Variants in KLHL8 observed in about 807,000 individuals in gnomAD.
KLHL8 encodes the protein kelch-like protein 8.
A neutral mutation model predicts 63.5 loss-of-function variants in KLHL8; 38 were observed. The observed-to-expected ratio is 0.60, with a 90% CI of 0.46 to 0.78. The LOEUF (loss-of-function observed/expected upper bound fraction) is 0.78. Among genes scored for constraint, KLHL8 ranks in the 30% least tolerant of loss-of-function variants. The probability of loss-of-function intolerance (pLI) is 0.00; values close to 1 mark genes in which losing one functional copy is unlikely to be tolerated. For synonymous variants in KLHL8, 224 were observed against 254.3 expected, an observed-to-expected ratio of 0.88 and a Z score of 1.13; for missense variants, 566 against 752.4, an observed-to-expected ratio of 0.75 and a Z score of 2.90.
At chr4:87,220,318 T>C (rs2110061348) in intron 1 of KLHL8, 100 bp downstream of exon 1, 1 of 152,626 alleles carries the variant, frequency 6.6e-6, no homozygotes, top group East Asian at 1.9e-4. Flanking sequence ...ACTTGGGGGC[T>C]GGGGTGAGGG....
Position 87,195,506 on chromosome 4 carries a change from T to C in KLHL8, c.34A>G (p.Arg12Gly). Reference sequence around the variant, plus strand: ...CTTTTCCCCTTTGTAATGTGATTCCTAGCTTGTTTACTACTCATAGAATCT... The same window carrying C: ...CTTTTCCCCTTTGTAATGTGATTCCCAGCTTGTTTACTACTCATAGAATCT... ...ASDSMSSKQA[R>G]NHITKGKRQQ... The change falls in exon 2 of 10, where the codon AGG becomes GGG. Residue 12 changes from arginine (R) to glycine (G), a missense_variant. Physicochemically the swap from Arg to Gly is moderately radical, Grantham distance 125 (BLOSUM62 -2). Transcript: ENST00000273963. The C allele has an allele frequency of 6.2e-7, 1 of 1,613,692 alleles. No homozygotes were observed. The highest frequency in any genetic ancestry group is 1.1e-5 in the South Asian group (1 of 91,070).
Position 87,193,479 on chromosome 4 carries a change from G to GT in KLHL8, c.216+1844dup, listed in dbSNP as rs1407343388. 7.2e-5 allele frequency among the ~76,000 whole-genome samples: 11 copies of GT among 151,978 alleles called. No homozygotes were observed. The East Asian group carries it at 2.1e-3, about 29-fold the overall frequency. ...GCCTAAGGCTGTTTTTACAGTTAAC[G>GT]TTTTTTCTTTTCTTGTTTTTATTAA... On this transcript the variant is annotated intron_variant, in intron 2 of 9. Coordinates refer to ENST00000273963, the MANE Select transcript of KLHL8 (RefSeq NM_020803.5).
At chr4:87,226,630 T>A (rs1376887455) in intron 1 of KLHL8, among the ~76,000 whole-genome samples, 1 of 69,112 alleles carries the variant, frequency 1.4e-5, no homozygotes, top group Non-Finnish European at 2.7e-5. Context: ...TAATATATAT[T>A]ACTTATATAA....
At chr4:87,215,301 TATATATAAAGTATG>T (rs1361077898) in intron 1 of KLHL8, among the ~76,000 whole-genome samples, 4 of 152,210 alleles carry the variant, frequency 2.6e-5, no homozygotes, top group Non-Finnish European at 5.9e-5. Context: ...ACTTATCTTT[TATATATAAAGTATG>T]CTGCAATATT....
chr4:87,171,721 C>T (rs973577125), intron 6 of KLHL8, among the ~76,000 whole-genome samples: 1 of 152,178 alleles, frequency 6.6e-6, no homozygotes, highest in Non-Finnish European at 1.5e-5. Context: ...TCTTGGTTTT[C>T]ATAACATCAT....
At chr4:87,180,546 C>G (rs1252301754) in intron 4 of KLHL8, among the ~76,000 whole-genome samples, 1 of 152,198 alleles carries the variant, frequency 6.6e-6, no homozygotes, top group Non-Finnish European at 1.5e-5. Flanking sequence ...ATTCAAATGT[C>G]TATTTTCCTA....
chr4:87,185,365 C>T lies in KLHL8; in HGVS notation c.651G>A (p.Leu217=). ...TTTCAATATTTAGATCACTGGAGGA[C>T]AAAAGCTTATGGAGGTGCTGCGGTG... is the stretch of plus-strand genomic sequence containing the variant. ...SVSPQHLHKL[L]SSSDLNIENE... is the part of the protein sequence containing the mutation. The change falls in exon 3 of 10, where the codon TTG becomes TTA. Residue 217 remains leucine, a synonymous_variant. Coordinates refer to ENST00000273963, the MANE Select transcript of KLHL8 (RefSeq NM_020803.5). 1.2e-6 allele frequency: 2 copies of T among 1,614,132 alleles called. No homozygotes were observed. Among genetic ancestry groups the T allele is most frequent in the South Asian group, 2.2e-5 (2 of 91,084 alleles).
At chr4:87,205,186 C>G (rs776322675) in intron 1 of KLHL8, among the ~76,000 whole-genome samples, 1 of 152,284 alleles carries the variant, frequency 6.6e-6, no homozygotes, top group South Asian at 2.1e-4. Flanking sequence ...CTAGGAGGAT[C>G]GCTTGGGCCC....
chr4:87,207,582 C>A (rs1732185658), intron 1 of KLHL8: 4 of 1,190,490 alleles, frequency 3.4e-6, no homozygotes, highest in Admixed American at 3.4e-5. Context: ...TCATCCATGA[C>A]AACTTTGGTA....
chr4:87,219,124 G>T (rs1300547355), intron 1 of KLHL8, among the ~76,000 whole-genome samples: 1 of 152,200 alleles, frequency 6.6e-6, no homozygotes, highest in Non-Finnish European at 1.5e-5. Context: ...TAAATAAAGT[G>T]ACTAAAAGTT....
intron 1 of KLHL8, among the ~76,000 whole-genome samples, chr4:87,212,597 A>T (rs57488027): frequency 0.012 from 1,846 of 152,028 alleles, 40 homozygotes; most frequent in African/African-American, 0.04. Context: ...AAAAAAAAAA[A>T]TTTTCTTAAC....
chr4:87,217,519 G>GT (rs199981334), intron 1 of KLHL8, among the ~76,000 whole-genome samples: 2,207 of 151,922 alleles, frequency 0.015, 56 homozygotes, highest in African/African-American at 0.051. Flanking sequence ...TCGTTTGTTT[G>GT]TTTTTTTGTA....
At chr4:87,187,527 T>C (rs140870146) in intron 2 of KLHL8, among the ~76,000 whole-genome samples, 1 of 152,028 alleles carries the variant, frequency 6.6e-6, no homozygotes, top group Non-Finnish European at 1.5e-5. Flanking sequence ...ATTTGTCATA[T>C]ATATTTCAAA....
intron 8 of KLHL8, among the ~76,000 whole-genome samples, chr4:87,168,791 T>C (rs1730519044): frequency 1.9e-5 from 1 of 52,938 alleles, no homozygotes; most frequent in African/African-American, 5.3e-5. Context: ...TATACGTATA[T>C]ATACACACAT....
chr4:87,173,400 T>C (rs1018811886), intron 6 of KLHL8, among the ~76,000 whole-genome samples: 5 of 152,206 alleles, frequency 3.3e-5, no homozygotes, highest in Non-Finnish European at 7.3e-5. Context: ...GTGTGTCTTG[T>C]GGTGGGCATT....
chr4:87,189,840 T>C (rs1300301841), intron 2 of KLHL8, among the ~76,000 whole-genome samples: 2 of 151,304 alleles, frequency 1.3e-5, no homozygotes, highest in Non-Finnish European at 2.9e-5. Flanking sequence ...CCATCCTGGC[T>C]AACATGGTGA....
chr4:87,206,348 T>C (rs1263304092), intron 1 of KLHL8, among the ~76,000 whole-genome samples: 1 of 152,238 alleles, frequency 6.6e-6, no homozygotes, highest in East Asian at 1.9e-4. Context: ...AACTGCTTAA[T>C]GTATGTAGCT....
intron 1 of KLHL8, chr4:87,207,375 G>C: frequency 1.5e-6 from 1 of 663,972 alleles, no homozygotes; most frequent in Non-Finnish European, 2.8e-6. Context: ...ACGTTGTGGA[G>C]TCCACTGGTG....
chr4:87,203,504 G>A (rs1396430554), intron 1 of KLHL8, among the ~76,000 whole-genome samples: 2 of 150,696 alleles, frequency 1.3e-5, no homozygotes, highest in African/African-American at 4.9e-5. Context: ...ACCCCAGCCT[G>A]GGTGACAGAG....
Sources: allele counts gnomAD v4.1 joint callset (sites outside exome capture counted in the v4.1 genomes callset), GRCh38; gene constraint gnomAD v4.1.1; transcripts MANE v1.5; gene names NCBI Gene and HGNC (gene_info 2026-07-23, HGNC 2026-07-21).